BTRC: variants seen among roughly 807,000 people sequenced by gnomAD.
BTRC encodes the protein beta-transducin repeat containing E3 ubiquitin protein ligase.
A neutral mutation model predicts 85.5 loss-of-function variants in BTRC; 42 were observed. The ratio of observed to expected loss-of-function variants is 0.49; its 90% CI spans 0.38 to 0.64. The LOEUF is 0.64. Ranked by LOEUF, BTRC falls within the 30% of genes least tolerant of loss-of-function variation. BTRC has a pLI of 0.00. For missense variants in BTRC, 594 were observed against 743.5 expected, an observed-to-expected ratio of 0.80 and a Z score of 2.34; for synonymous variants, 255 against 263.3, an observed-to-expected ratio of 0.97 and a Z score of 0.30.
At chr10:101,379,679 G>A (rs560432373) in intron 1 of BTRC, among the ~76,000 whole-genome samples, 99 of 152,010 alleles carry the variant, frequency 6.5e-4, no homozygotes, top group Non-Finnish European at 1.1e-3. Context: ...AGTGGCACTC[G>A]TTTTTTTATG....
At chr10:101,402,872 A>T (rs1156333290) in intron 1 of BTRC, among the ~76,000 whole-genome samples, 1 of 152,210 alleles carries the variant, frequency 6.6e-6, no homozygotes, top group African/African-American at 2.4e-5. Context: ...AGAGGTTATA[A>T]CAATAGTGTG....
intron 3 of BTRC, 46 bp from the exon 4 acceptor site, chr10:101,479,322 T>G (rs1206232973): frequency 2.2e-6 from 3 of 1,392,660 alleles, no homozygotes; most frequent in Non-Finnish European, 3.0e-6. Flanking sequence ...GATATGGCAG[T>G]ATTTCAATAT....
At chr10:101,520,246 C>T (rs527293642) in intron 4 of BTRC, among the ~76,000 whole-genome samples, 4 of 151,836 alleles carry the variant, frequency 2.6e-5, no homozygotes, top group Non-Finnish European at 5.9e-5. Context: ...TGGGTTCAAG[C>T]GATTCTCCTG....
At chr10:101,364,043 A>AG (rs1942292694) in intron 1 of BTRC, among the ~76,000 whole-genome samples, 1 of 152,308 alleles carries the variant, frequency 6.6e-6, no homozygotes, top group Non-Finnish European at 1.5e-5. Context: ...AAAGTCAAGC[A>AG]GGGCAGGGAG....
chr10:101,376,977 C>T, intron 1 of BTRC, among the ~76,000 whole-genome samples: 1 of 151,966 alleles, frequency 6.6e-6, no homozygotes, highest in East Asian at 1.9e-4. Flanking sequence ...TCTTAATGTA[C>T]ACAGTTTTAG....
At chr10:101,404,173 G>A (rs1423046142) in intron 1 of BTRC, among the ~76,000 whole-genome samples, 1 of 150,436 alleles carries the variant, frequency 6.6e-6, no homozygotes, top group Non-Finnish European at 1.5e-5. Context: ...TGGGACTACA[G>A]GTGCCCGCCA....
intron 2 of BTRC, among the ~76,000 whole-genome samples, chr10:101,449,960 T>C (rs1230894344): frequency 6.6e-6 from 1 of 151,996 alleles, no homozygotes; most frequent in Non-Finnish European, 1.5e-5. Flanking sequence ...AGATGTAGTT[T>C]TGTAATTGCA....
At chr10:101,549,980 C>T (rs1016389714) in intron 13 of BTRC, among the ~76,000 whole-genome samples, 3 of 151,978 alleles carry the variant, frequency 2.0e-5, no homozygotes, top group Non-Finnish European at 4.4e-5. Context: ...GGAAATCTAC[C>T]GATGGTTTTA....
intron 1 of BTRC, among the ~76,000 whole-genome samples, chr10:101,408,813 G>A (rs1943698218): frequency 6.6e-6 from 1 of 152,162 alleles, no homozygotes. Context: ...TTGGGAGGCT[G>A]AGGCAGGTGG....
chr10:101,440,824 T>C (rs1944660775), intron 2 of BTRC, among the ~76,000 whole-genome samples: 1 of 152,000 alleles, frequency 6.6e-6, no homozygotes, highest in Non-Finnish European at 1.5e-5. Context: ...ACTGGAAAAA[T>C]GGTGTTGGTA....
chr10:101,406,786 A>T (rs1589430177), intron 1 of BTRC, among the ~76,000 whole-genome samples: 1 of 151,920 alleles, frequency 6.6e-6, no homozygotes, highest in Admixed American at 6.6e-5. Flanking sequence ...CACCCACCTC[A>T]GCCTCGCAAA....
intron 1 of BTRC, among the ~76,000 whole-genome samples, chr10:101,420,107 G>A (rs1314135836): frequency 3.3e-5 from 5 of 151,118 alleles, no homozygotes; most frequent in East Asian, 1.9e-4. Flanking sequence ...GGAATTTCTC[G>A]GTGTAATACA....
intron 3 of BTRC, among the ~76,000 whole-genome samples, chr10:101,463,246 A>G (rs1945277592): frequency 6.6e-6 from 1 of 152,062 alleles, no homozygotes; most frequent in Non-Finnish European, 1.5e-5. Context: ...GGGTTTCACC[A>G]TGTTGGCCAG....
At chr10:101,366,952 A>ATATTAATG (rs1281744038) in intron 1 of BTRC, among the ~76,000 whole-genome samples, 1 of 55,436 alleles carries the variant, frequency 1.8e-5, no homozygotes, top group African/African-American at 5.7e-5. Flanking sequence ...ATATATTTAT[A>ATATTAATG]TATATATTTA....
Position 101,521,800 on chromosome 10 carries a change from T to C in BTRC, c.486T>C (p.His162=). The part of the protein sequence containing the change: ...FVEHLISQMC[H]YQHGHINSYL... Reference sequence around the variant, plus strand: ...AACATCTTATATCCCAAATGTGTCATTACCAACATGGGCACATAAACTCGT... The same window carrying C: ...AACATCTTATATCCCAAATGTGTCACTACCAACATGGGCACATAAACTCGT... Residue 162 remains histidine (H), a synonymous_variant, in exon 5 of 15, where the codon CAT becomes CAC. Transcript: ENST00000370187. The C allele has an allele frequency of 6.2e-7, 1 of 1,614,042 alleles. No homozygotes were observed. The highest frequency in any genetic ancestry group is 8.5e-7 in the Non-Finnish European group (1 of 1,179,970).
At chr10:101,544,645 A>T (rs539350515) in intron 13 of BTRC, among the ~76,000 whole-genome samples, 1 of 152,158 alleles carries the variant, frequency 6.6e-6, no homozygotes, top group South Asian at 2.1e-4. Context: ...GCCTCACATA[A>T]TCCTCTTGCC....
chr10:101,372,787 T>C (rs1159039047), intron 1 of BTRC, among the ~76,000 whole-genome samples: 2 of 151,742 alleles, frequency 1.3e-5, no homozygotes, highest in Non-Finnish European at 2.9e-5. Flanking sequence ...CGCTTGAACC[T>C]GGGAGGCAGA....
At chr10:101,363,298 A>G (rs952233067) in intron 1 of BTRC, among the ~76,000 whole-genome samples, 2 of 152,146 alleles carry the variant, frequency 1.3e-5, no homozygotes, top group African/African-American at 2.4e-5. Flanking sequence ...TGAGAGCCTT[A>G]CTTACGTGCA....
intron 13 of BTRC, among the ~76,000 whole-genome samples, 193 bp downstream of exon 13, chr10:101,538,564 C>G (rs886833296): frequency 2.0e-5 from 3 of 152,126 alleles, no homozygotes; most frequent in Admixed American, 2.0e-4. Flanking sequence ...GCTTTAGAGA[C>G]TATATATGGA....
Sources: gnomAD v4.1 joint callset for allele counts (sites outside exome capture counted in the v4.1 genomes callset) on GRCh38, gnomAD v4.1.1 for gene constraint, MANE v1.5 for transcripts, NCBI Gene and HGNC (gene_info 2026-07-23, HGNC 2026-07-21) for gene names.